EPHA5: variants seen among roughly 807,000 people sequenced by gnomAD.
EPHA5 encodes EPH receptor A5.
Under a neutral mutation model 105.0 loss-of-function variants are expected in EPHA5, and 60 were observed. The ratio of observed to expected loss-of-function variants is 0.57; its 90% CI spans 0.46 to 0.71. The LOEUF (loss-of-function observed/expected upper bound fraction) is 0.71. Ranked by LOEUF, EPHA5 falls within the 30% of genes least tolerant of loss-of-function variation. EPHA5 has a pLI of 0.00. For synonymous variants in EPHA5, 513 were observed against 449.1 expected, an observed-to-expected ratio of 1.14 and a Z score of -1.80; for missense variants, 1,218 against 1,274.7, an observed-to-expected ratio of 0.96 and a Z score of 0.68.
At chr4:65,377,132 C>T in intron 8 of EPHA5, 2 of 1,421,890 alleles carry the variant, frequency 1.4e-6, no homozygotes, top group South Asian at 1.5e-5. Flanking sequence ...CATAAAGACA[C>T]TATGAATTTA....
rs1719572444 is a variant in EPHA5 at position 65,320,681 on chromosome 4, A to T, written c.*3433T>A. On this transcript the variant is annotated 3_prime_UTR_variant, in exon 17 of 17. Transcript: ENST00000613740. ...TTACTTTCACATACAGATTAAGTAG[A>T]AGACATGAAAACACATAAGTGCTCA... 8.7e-6 allele frequency: 2 copies of T among 229,950 alleles called. No homozygotes were observed. Among genetic ancestry groups the T allele is most frequent in the Admixed American group, 5.7e-5 (1 of 17,588 alleles). The allele number at this position is 229,950 out of a possible 1,614,324, so 14.2% of individuals were successfully genotyped here.
At chr4:65,350,206 A>C (rs556464282) in intron 13 of EPHA5, among the ~76,000 whole-genome samples, 1 of 152,234 alleles carries the variant, frequency 6.6e-6, no homozygotes, top group South Asian at 2.1e-4. Context: ...TTGAGTTTTC[A>C]TGTAATGAAA....
chr4:65,639,514 A>T (rs1366919587), intron 2 of EPHA5, among the ~76,000 whole-genome samples: 1 of 152,036 alleles, frequency 6.6e-6, no homozygotes, highest in Non-Finnish European at 1.5e-5. Flanking sequence ...CTACTTTTGA[A>T]ATTCTCCCTC....
intron 8 of EPHA5, among the ~76,000 whole-genome samples, chr4:65,381,650 G>A (rs1719574438): frequency 6.6e-6 from 1 of 151,702 alleles, no homozygotes; most frequent in African/African-American, 2.4e-5. Flanking sequence ...AAATATTTCA[G>A]GATGCAAAAC....
chr4:65,494,438 C>T (rs1382880541), intron 4 of EPHA5, among the ~76,000 whole-genome samples: 1 of 152,080 alleles, frequency 6.6e-6, no homozygotes, highest in East Asian at 1.9e-4. Flanking sequence ...GGAAATTAAA[C>T]AATATGAGGA....
chr4:65,389,159 C>A (rs1287170651), intron 8 of EPHA5, among the ~76,000 whole-genome samples: 1 of 151,892 alleles, frequency 6.6e-6, no homozygotes, highest in African/African-American at 2.4e-5. Flanking sequence ...TTCCTTGCAG[C>A]AAATTAGGAA....
chr4:65,502,656 T>TA (rs1182938377), intron 3 of EPHA5, among the ~76,000 whole-genome samples: 2 of 151,910 alleles, frequency 1.3e-5, no homozygotes, highest in Admixed American at 6.6e-5. Flanking sequence ...GGTTGGAATG[T>TA]AATTAGTTCA....
At chr4:65,575,777 G>C (rs988611676) in intron 3 of EPHA5, among the ~76,000 whole-genome samples, 3 of 151,696 alleles carry the variant, frequency 2.0e-5, no homozygotes, top group Admixed American at 2.0e-4. Flanking sequence ...TTTGAGACCA[G>C]CCCAGCCTGG....
chr4:65,382,367 T>G (rs758260702), intron 8 of EPHA5, among the ~76,000 whole-genome samples: 1 of 151,750 alleles, frequency 6.6e-6, no homozygotes, highest in Admixed American at 6.6e-5. Flanking sequence ...GAGATCATTA[T>G]AAAACATTAA....
At chr4:65,562,192 G>A (rs752436583) in intron 3 of EPHA5, among the ~76,000 whole-genome samples, 61 of 152,116 alleles carry the variant, frequency 4.0e-4, no homozygotes, top group Non-Finnish European at 6.0e-4. Context: ...TTTCTCAACC[G>A]CAATCCAAGT....
intron 5 of EPHA5, among the ~76,000 whole-genome samples, chr4:65,431,403 A>G (rs749338811): frequency 2.4e-4 from 37 of 152,206 alleles, no homozygotes; most frequent in Non-Finnish European, 4.3e-4. Context: ...ACTTGTAAAA[A>G]GTAACATAAA....
intron 15 of EPHA5, among the ~76,000 whole-genome samples, chr4:65,334,346 A>G (rs899649339): frequency 6.6e-6 from 1 of 152,060 alleles, no homozygotes. Context: ...AGAATTGCAG[A>G]AAGAAACAGT....
At chr4:65,640,521 C>T (rs1235386887) in intron 2 of EPHA5, among the ~76,000 whole-genome samples, 3 of 151,980 alleles carry the variant, frequency 2.0e-5, no homozygotes, top group Non-Finnish European at 4.4e-5. Context: ...CTCCTGACCT[C>T]GTGATCCACC....
chr4:65,608,059 C>A (rs1005213952), intron 2 of EPHA5, among the ~76,000 whole-genome samples: 1 of 151,878 alleles, frequency 6.6e-6, no homozygotes. Flanking sequence ...AGGGAGTGGG[C>A]GGCTAGGGGA....
At chr4:65,651,473 C>T (rs1748604897) in intron 1 of EPHA5, among the ~76,000 whole-genome samples, 1 of 152,140 alleles carries the variant, frequency 6.6e-6, no homozygotes, top group African/African-American at 2.4e-5. Context: ...GATGTTAATA[C>T]TTCCAAAAAT....
intron 13 of EPHA5, among the ~76,000 whole-genome samples, chr4:65,348,723 A>ATG (rs1722495175): frequency 8.1e-6 from 1 of 122,986 alleles, no homozygotes; most frequent in Non-Finnish European, 1.7e-5. Context: ...GTGTATATAT[A>ATG]TGTGTGTGTA....
chr4:65,374,290 TC>T (rs1480408667), intron 8 of EPHA5, among the ~76,000 whole-genome samples: 1 of 151,962 alleles, frequency 6.6e-6, no homozygotes, highest in Admixed American at 6.6e-5. Flanking sequence ...TGGGTAGATT[TC>T]AGTCAAAGCA....
intron 1 of EPHA5, among the ~76,000 whole-genome samples, chr4:65,650,348 C>T (rs559090289): frequency 6.7e-6 from 1 of 150,010 alleles, no homozygotes; most frequent in Admixed American, 6.7e-5. Context: ...GAGATGGAGA[C>T]CATCCTGGCT....
chr4:65,355,642 T>C (rs1723229348), intron 11 of EPHA5, among the ~76,000 whole-genome samples: 1 of 151,570 alleles, frequency 6.6e-6, no homozygotes, highest in South Asian at 2.1e-4. Flanking sequence ...CGGGTATCTA[T>C]ATGTCAGAAT....
Sources: gnomAD v4.1 joint callset for allele counts (sites outside exome capture counted in the v4.1 genomes callset) on GRCh38, gnomAD v4.1.1 for gene constraint, MANE v1.5 for transcripts, NCBI Gene and HGNC (gene_info 2026-07-23, HGNC 2026-07-21) for gene names.